The following ANK1 variants were observed in gnomAD, a reference collection of about 807,000 sequenced individuals.
ANK1 encodes ankyrin 1, also known as ankyrin-1.
Under a neutral mutation model 210.4 loss-of-function variants are expected in ANK1, and 51 were observed. That is an observed-to-expected ratio of 0.24 (90% CI 0.19 to 0.31). The LOEUF (loss-of-function observed/expected upper bound fraction) is 0.31, where lower values mean the gene tolerates loss of function less well. ANK1 is among the 10% of genes least tolerant of loss of function. ANK1 has a pLI of 1.00. For synonymous variants in ANK1, 967 were observed against 1,025.9 expected, an observed-to-expected ratio of 0.94 and a Z score of 1.10; for missense variants, 2,051 against 2,504.4, an observed-to-expected ratio of 0.82 and a Z score of 3.86.
chr8:41,750,946 T>C (rs559886628), intron 2 of ANK1, among the ~76,000 whole-genome samples: 36 of 152,264 alleles, frequency 2.4e-4, no homozygotes, highest in Non-Finnish European at 3.8e-4. Context: ...ATCATCGGAA[T>C]AGAACAGAAA....
At chr8:41,727,802 G>T (rs1049700493) in intron 4 of ANK1, 106 bp downstream of exon 4, 66 of 1,030,438 alleles carry the variant, frequency 6.4e-5, no homozygotes, top group Non-Finnish European at 9.4e-5. Context: ...CTGCCCCACA[G>T]TAGTGTGTGT....
chr8:41,714,166 C>A lies in ANK1; in HGVS notation c.1790G>T (p.Ser597Ile). The A allele has an allele frequency of 1.4e-6, 2 of 1,416,922 alleles. No individual in the cohort carries two copies. The highest frequency in any genetic ancestry group is 1.9e-6 in the Non-Finnish European group (2 of 1,068,516). 87.8% of individuals were successfully genotyped at this position (1,416,922 alleles called of 1,614,324 possible). A position where few individuals can be genotyped will look rare whatever the true frequency, so the allele number is the denominator to read the frequency against. Residue 597 changes from serine to isoleucine, a missense_variant, in exon 16 of 43, where the codon AGC (serine) becomes ATC (isoleucine). Ser to Ile is a moderately radical substitution (Grantham distance 142). This residue lies in a region of ANK1 where 1,413 missense variants were observed against 1,707.4 expected (regional missense o/e 0.83). Transcript: ENST00000289734. ...LLLPRGGSPH[S>I]PAWNGYTPLH... Reference sequence around the variant, plus strand: ...AGGGGCGGGCCTTACCCAGGCAGGGCTGTGCGGGGAGCCGCCCCGGGGAAG... The same window carrying A: ...AGGGGCGGGCCTTACCCAGGCAGGGATGTGCGGGGAGCCGCCCCGGGGAAG...
At chr8:41,896,677 C>T in exon 1 of ANK1, 2 of 612,078 alleles carry the variant, frequency 3.3e-6, no homozygotes, top group Non-Finnish European at 2.2e-6. Context: ...GGGCGGCTGC[C>T]CGCGGCCCGG....
In ANK1 at chr8:41,653,294, C is replaced by CA. The variant is rs1213276170; in HGVS notation, c.*2495dup. 6.6e-6 allele frequency: 1 copy of CA among 152,588 alleles called. No homozygotes were observed. Among genetic ancestry groups the CA allele is most frequent in the East Asian group, 1.9e-4 (1 of 5,196 alleles). 9.5% of individuals were successfully genotyped at this position (152,588 alleles called of 1,614,324 possible). On this transcript the variant is annotated 3_prime_UTR_variant, in exon 43 of 43. Transcript: ENST00000289734. Reference sequence around the variant, plus strand: ...GGTGAAGGGAGAATGGTCTATACATCAGAGTAGGGTAGGGGATTCTCTCCC... The same window carrying CA: ...GGTGAAGGGAGAATGGTCTATACATCAAGAGTAGGGTAGGGGATTCTCTCCC...
intron 1 of ANK1, among the ~76,000 whole-genome samples, chr8:41,861,847 G>C (rs955638218): frequency 2.0e-5 from 3 of 152,206 alleles, no homozygotes; most frequent in African/African-American, 7.2e-5. Context: ...GACTCACATT[G>C]AACTTTCTGA....
chr8:41,808,227 C>G (rs1024782907), intron 1 of ANK1, among the ~76,000 whole-genome samples: 1 of 152,244 alleles, frequency 6.6e-6, no homozygotes, highest in African/African-American at 2.4e-5. Flanking sequence ...AATTTCTGAT[C>G]ACACCCAAGC....
At chr8:41,705,509 G>A (rs1187431157) in intron 18 of ANK1, among the ~76,000 whole-genome samples, 1 of 152,156 alleles carries the variant, frequency 6.6e-6, no homozygotes, top group Non-Finnish European at 1.5e-5. Context: ...TGGAGGGGGC[G>A]GGAGCTCCTG....
In ANK1 at chr8:41,668,533, C is replaced by T; in HGVS notation, c.5128G>A (p.Val1710Ile). ...LQDWDADGSI[V>I]SYLQDAAQGS... ...TGTGCAGCATCTTGCAGGTATGAGACAATCGAGCCGTCTGCATCCCAGTCC... is the reference window on the plus strand; with the variant it reads ...TGTGCAGCATCTTGCAGGTATGAGATAATCGAGCCGTCTGCATCCCAGTCC... Residue 1710 changes from valine (V) to isoleucine (I), a missense_variant, in exon 39 of 43, where the codon GTC becomes ATC. Val to Ile is a conservative substitution (Grantham distance 29). Around this residue, in one of 6 missense-constraint regions of ANK1, gnomAD observed 496 missense variants for 533.4 expected, o/e 0.93. Coordinates refer to ENST00000289734, the MANE Select transcript of ANK1 (RefSeq NM_000037.4). 6.2e-7 allele frequency: 1 copy of T among 1,614,008 alleles called. No homozygotes were observed. Among genetic ancestry groups the T allele is most frequent in the Non-Finnish European group, 8.5e-7 (1 of 1,179,882 alleles).
At chr8:41,855,705 T>A (rs894606639) in intron 1 of ANK1, among the ~76,000 whole-genome samples, 1 of 152,216 alleles carries the variant, frequency 6.6e-6, no homozygotes, top group African/African-American at 2.4e-5. Context: ...GTGGGGACTC[T>A]GCTGCGAGTG....
At chr8:41,707,614 C>T (rs757102285) in intron 17 of ANK1, among the ~76,000 whole-genome samples, 4 of 152,206 alleles carry the variant, frequency 2.6e-5, no homozygotes, top group Non-Finnish European at 4.4e-5. Context: ...CAATAATCTG[C>T]CTCGTGAGGG....
At chr8:41,733,626 G>A (rs190358095) in intron 3 of ANK1, among the ~76,000 whole-genome samples, 10 of 152,318 alleles carry the variant, frequency 6.6e-5, no homozygotes, top group Admixed American at 2.0e-4. Context: ...GTCACAGAGC[G>A]TGAAGTATGT....
At chr8:41,662,529 T>C (rs1808769160) in intron 40 of ANK1, among the ~76,000 whole-genome samples, 1 of 152,236 alleles carries the variant, frequency 6.6e-6, no homozygotes, top group Admixed American at 6.5e-5. Flanking sequence ...CTTTTTGATA[T>C]GGATGGGAGT....
exon 1 of ANK1, chr8:41,896,493 C>A (rs376543184): frequency 6.3e-7 from 1 of 1,587,172 alleles, no homozygotes. Context: ...CGGGTCACGG[C>A]GCTCCCGTCC....
chr8:41,756,836 C>T (rs1203663295), intron 2 of ANK1, among the ~76,000 whole-genome samples: 7 of 152,206 alleles, frequency 4.6e-5, no homozygotes, highest in African/African-American at 1.2e-4. Context: ...ACCTAACCTA[C>T]GTTCAGAAAA....
intron 1 of ANK1, among the ~76,000 whole-genome samples, chr8:41,866,007 G>A (rs899773355): frequency 9.9e-5 from 15 of 152,216 alleles, no homozygotes; most frequent in East Asian, 3.9e-4. Context: ...TCCAACTCTC[G>A]CCTCTCCACC....
chr8:41,871,997 G>A (rs1043141704), intron 1 of ANK1, among the ~76,000 whole-genome samples: 6 of 152,184 alleles, frequency 3.9e-5, no homozygotes, highest in Non-Finnish European at 8.8e-5. Context: ...TGACAAGGCC[G>A]CAGCAGCCCT....
intron 1 of ANK1, among the ~76,000 whole-genome samples, chr8:41,890,708 C>CAAAAAAAAAAAAAAAAAAAAAAAA (rs557921949): frequency 1.6e-5 from 1 of 62,980 alleles, no homozygotes; most frequent in African/African-American, 4.3e-5. Flanking sequence ...GACTCCGTCT[C>CAAAAAAAAAAAAAAAAAAAAAAAA]AAAAAAAAAA....
At chr8:41,727,465 T>C (rs1329501633) in intron 4 of ANK1, 117 bp from the exon 5 acceptor site, 3 of 772,180 alleles carry the variant, frequency 3.9e-6, no homozygotes, top group Non-Finnish European at 6.8e-6. Context: ...TCCTCCCACC[T>C]GACCCCTCCT....
chr8:41,746,166 G>T (rs150279060), intron 2 of ANK1, among the ~76,000 whole-genome samples: 1 of 152,216 alleles, frequency 6.6e-6, no homozygotes, highest in Non-Finnish European at 1.5e-5. Context: ...CTCTCGTTCT[G>T]CGGGGCCATA....
Sources: allele counts gnomAD v4.1 joint callset (sites outside exome capture counted in the v4.1 genomes callset), GRCh38; gene constraint gnomAD v4.1.1; regional missense constraint gnomAD v4.1.1; transcripts MANE v1.5; gene names NCBI Gene and HGNC (gene_info 2026-07-23, HGNC 2026-07-21).